DLG2: variants seen among roughly 807,000 people sequenced by gnomAD.
DLG2 encodes the protein disks large homolog 2.
DLG2 carries 45 observed loss-of-function variants against 132.5 expected under a neutral mutation model. The observed-to-expected ratio is 0.34, with a 90% CI of 0.27 to 0.44. DLG2 has a LOEUF of 0.44. Ranked by LOEUF, DLG2 falls within the 20% of genes least tolerant of loss-of-function variation. The pLI, the probability that DLG2 is intolerant of heterozygous loss-of-function variation, is 1.00. For missense variants in DLG2, 1,045 were observed against 1,196.9 expected, an observed-to-expected ratio of 0.87 and a Z score of 1.87; for synonymous variants, 424 against 419.6, an observed-to-expected ratio of 1.01 and a Z score of -0.13.
chr11:84,557,428 T>A (rs2099414095), intron 6 of DLG2, among the ~76,000 whole-genome samples: 1 of 152,174 alleles, frequency 6.6e-6, no homozygotes, highest in South Asian at 2.1e-4. Context: ...ATACACATAT[T>A]AATATATATA....
chr11:84,917,956 G>A (rs1006825931), intron 6 of DLG2, among the ~76,000 whole-genome samples: 5 of 152,116 alleles, frequency 3.3e-5, no homozygotes, highest in African/African-American at 1.2e-4. Context: ...TGAGCCATAG[G>A]TGTTACTCGA....
At chr11:85,420,813 C>T (rs577746310) in intron 3 of DLG2, among the ~76,000 whole-genome samples, 175 of 152,240 alleles carry the variant, frequency 1.1e-3, no homozygotes, top group African/African-American at 4.1e-3. Flanking sequence ...CCCAGGTTGA[C>T]TTCAGACTGC....
intron 7 of DLG2, among the ~76,000 whole-genome samples, chr11:84,517,267 A>G (rs2099276635): frequency 1.3e-5 from 2 of 151,780 alleles, no homozygotes; most frequent in Middle Eastern, 3.4e-3. Flanking sequence ...AGGAATTAAT[A>G]TTCAAAATAT....
rs1217173457 is a variant in DLG2 at position 85,007,660 on chromosome 11, G to A, written c.357+104001C>T. On this transcript the variant is annotated intron_variant, in intron 6 of 27. Coordinates refer to ENST00000376104, the MANE Select transcript of DLG2 (RefSeq NM_001142699.3). Reference sequence around the variant, plus strand: ...AGCCTGGGTGACAGAGCAAGACTCCGTCTCAAAAAAAAAAAAAAAAAAAAA... The same window carrying A: ...AGCCTGGGTGACAGAGCAAGACTCCATCTCAAAAAAAAAAAAAAAAAAAAA... Among the ~76,000 whole-genome samples, 33 of 55,198 alleles carry A rather than the reference G, an allele frequency of 6.0e-4. 1 individual carries two copies. The highest frequency in any genetic ancestry group is 1.4e-3 in the African/African-American group (14 of 10,312). 36.2% of individuals were successfully genotyped at this position (55,198 alleles called of 152,430 possible).
At chr11:84,411,998 C>T (rs1433922810) in intron 7 of DLG2, among the ~76,000 whole-genome samples, 5 of 151,418 alleles carry the variant, frequency 3.3e-5, no homozygotes, top group Non-Finnish European at 2.9e-5. Flanking sequence ...AAGTTCTACA[C>T]TATTGACATA....
At chr11:85,322,024 C>T (rs961297316) in intron 3 of DLG2, among the ~76,000 whole-genome samples, 2 of 152,090 alleles carry the variant, frequency 1.3e-5, no homozygotes, top group East Asian at 3.9e-4. Flanking sequence ...TTTCCTATTA[C>T]ATTTTACTTC....
At chr11:83,651,035 T>C (rs2070156543) in intron 18 of DLG2, among the ~76,000 whole-genome samples, 1 of 152,216 alleles carries the variant, frequency 6.6e-6, no homozygotes, top group Admixed American at 6.5e-5. Context: ...CATATATATA[T>C]TCATTTTTGC....
chr11:85,351,610 T>C (rs1016542429), intron 3 of DLG2, among the ~76,000 whole-genome samples: 4 of 152,230 alleles, frequency 2.6e-5, no homozygotes, highest in Non-Finnish European at 5.9e-5. Flanking sequence ...ATTGAGTTTT[T>C]AGCATGAAGA....
At chr11:85,158,416 G>C (rs1257310013) in intron 4 of DLG2, among the ~76,000 whole-genome samples, 2 of 152,212 alleles carry the variant, frequency 1.3e-5, no homozygotes, top group African/African-American at 4.8e-5. Flanking sequence ...GTTTAATGTA[G>C]AGGAAGGGAT....
chr11:85,597,188 T>C (rs1203627747), intron 3 of DLG2, among the ~76,000 whole-genome samples: 2 of 152,200 alleles, frequency 1.3e-5, no homozygotes, highest in African/African-American at 4.8e-5. Context: ...CAAATGATTA[T>C]ATTATTAAAA....
intron 16 of DLG2, among the ~76,000 whole-genome samples, chr11:83,869,484 A>C (rs1181809899): frequency 6.6e-6 from 1 of 152,140 alleles, no homozygotes; most frequent in Non-Finnish European, 1.5e-5. Context: ...AGGTGGCCTT[A>C]AAGTATGGGA....
chr11:83,493,579 C>T (rs539959446), intron 21 of DLG2, among the ~76,000 whole-genome samples: 30 of 152,224 alleles, frequency 2.0e-4, no homozygotes, highest in African/African-American at 6.0e-4. Context: ...TGAATACATG[C>T]TCCAACTCCT....
At chr11:84,751,251 A>T (rs753487851) in intron 6 of DLG2, among the ~76,000 whole-genome samples, 16 of 152,172 alleles carry the variant, frequency 1.1e-4, no homozygotes, top group Non-Finnish European at 1.8e-4. Context: ...ACTGGATCAG[A>T]TACTGTTCTA....
At chr11:84,888,802 T>C (rs972488109) in intron 6 of DLG2, among the ~76,000 whole-genome samples, 6 of 152,192 alleles carry the variant, frequency 3.9e-5, no homozygotes, top group Non-Finnish European at 7.3e-5. Flanking sequence ...CTGGTTCTGC[T>C]ATCATCTAAA....
intron 3 of DLG2, among the ~76,000 whole-genome samples, chr11:85,505,849 T>G (rs1478111956): frequency 6.6e-6 from 1 of 152,224 alleles, no homozygotes; most frequent in Non-Finnish European, 1.5e-5. Flanking sequence ...CATCTGGTCC[T>G]GGACTTTTTG....
chr11:83,781,683 C>G (rs1299851275), intron 18 of DLG2, among the ~76,000 whole-genome samples: 1 of 152,152 alleles, frequency 6.6e-6, no homozygotes, highest in East Asian at 1.9e-4. Flanking sequence ...AAGTCATATT[C>G]AAGGCAAAAG....
At chr11:83,949,985 T>C (rs1591667033) in intron 14 of DLG2, among the ~76,000 whole-genome samples, 1 of 152,196 alleles carries the variant, frequency 6.6e-6, no homozygotes, top group African/African-American at 2.4e-5. Context: ...GCCTAATCTA[T>C]TTACCTCTTA....
rs374827348 is a variant in DLG2 at position 84,099,451 on chromosome 11, G to A, written c.625-404C>T. On this transcript the variant is annotated intron_variant, in intron 9 of 27. Transcript: ENST00000376104. ...AAAGAATTTGATTTAATAGAAGAGT[G>A]AACTTGGGTGTTTCATTTTCTTATT... Among the ~76,000 whole-genome samples the A allele has an allele frequency of 2.5e-4, 38 of 152,056 alleles. 1 individual carries two copies. The East Asian group carries it at 6.6e-3, about 26-fold the overall frequency.
intron 7 of DLG2, among the ~76,000 whole-genome samples, chr11:84,297,114 T>A (rs2098099970): frequency 7.3e-6 from 1 of 137,518 alleles, no homozygotes. Flanking sequence ...CCATGTGAGG[T>A]AACCTCAAAG....
Sources: gnomAD v4.1 joint callset for allele counts (sites outside exome capture counted in the v4.1 genomes callset) on GRCh38, gnomAD v4.1.1 for gene constraint, MANE v1.5 for transcripts, NCBI Gene and HGNC (gene_info 2026-07-23, HGNC 2026-07-21) for gene names.